Variants in MAGEB10 observed in about 807,000 individuals in gnomAD.
MAGEB10 encodes the protein MAGE family member B10, also known as melanoma-associated antigen B10.
For missense variants in MAGEB10, 190 were observed against 261.9 expected (o/e 0.73, Z 1.89); for synonymous variants, 99 against 101.0 (o/e 0.98, Z 0.12).
intron 2 of MAGEB10, 90 bp from the exon 3 acceptor site, chrX:27,821,168 C>G: frequency 2.0e-6 from 1 of 510,624 alleles, no homozygotes; most frequent in South Asian, 3.4e-5. Flanking sequence ...AGTAATGCAC[C>G]AAGAAAACTT....
chrX:27,808,972 T>C (rs1280219038), intron 1 of MAGEB10, among the ~76,000 whole-genome samples: 2 of 112,667 alleles, frequency 1.8e-5, no homozygotes, highest in Non-Finnish European at 3.8e-5. Flanking sequence ...GGTGACAGCA[T>C]GCTGGCAGCC....
intron 2 of MAGEB10, among the ~76,000 whole-genome samples, chrX:27,820,449 G>T (rs1163260898): frequency 3.6e-5 from 4 of 110,780 alleles, no homozygotes; most frequent in Non-Finnish European, 7.6e-5. Context: ...AGGGAGGGGA[G>T]GGCGTTGGAC....
intron 1 of MAGEB10, among the ~76,000 whole-genome samples, chrX:27,810,665 G>A (rs1006834155): frequency 4.5e-5 from 5 of 111,231 alleles, no homozygotes; most frequent in Non-Finnish European, 7.5e-5. Flanking sequence ...GTCTTTGGGG[G>A]TAACCAGGAG....
intron 2 of MAGEB10, among the ~76,000 whole-genome samples, chrX:27,820,386 A>C (rs1440039899): frequency 9.0e-6 from 1 of 111,166 alleles, no homozygotes; most frequent in Admixed American, 9.5e-5. Flanking sequence ...TGGATTCATG[A>C]CAGGTCCAGG....
At chrX:27,809,245 C>G (rs989780121) in intron 1 of MAGEB10, among the ~76,000 whole-genome samples, 3 of 109,948 alleles carry the variant, frequency 2.7e-5, no homozygotes, top group Non-Finnish European at 3.8e-5. Context: ...AGCTGGCAGG[C>G]CCCCCGGCCC....
chrX:27,815,523 TAGAA>T (rs1373289559), intron 1 of MAGEB10, among the ~76,000 whole-genome samples: 2 of 111,872 alleles, frequency 1.8e-5, no homozygotes, highest in African/African-American at 6.5e-5. Context: ...CAGATGAAGT[TAGAA>T]AGAGAGGAGA....
intron 1 of MAGEB10, 64 bp from the exon 2 acceptor site, chrX:27,817,490 G>T (rs1923803364): frequency 9.0e-6 from 1 of 110,506 alleles, no homozygotes; most frequent in South Asian, 3.9e-4. Context: ...CACTGTGAGG[G>T]TTTTTTTGCT....
At chrX:27,811,284 G>A (rs1923677779) in intron 1 of MAGEB10, among the ~76,000 whole-genome samples, 2 of 110,291 alleles carry the variant, frequency 1.8e-5, no homozygotes, top group Admixed American at 1.9e-4. Context: ...CAAAAGGAGG[G>A]CAATCAGACC....
intron 1 of MAGEB10, chrX:27,812,670 C>G: frequency 3.0e-6 from 1 of 334,983 alleles, no homozygotes; most frequent in Admixed American, 2.9e-5. Context: ...TTGGGAAGTG[C>G]CCAACAGCAG....
At position 27,811,950 on chromosome X, in the gene MAGEB10, A is replaced by C. The variant is rs142345012; in HGVS notation, c.-199+3914A>C. The C allele has an allele frequency of 4.2e-3, 567 of 134,240 alleles. 3 individuals are homozygous for C. Among genetic ancestry groups the C allele is most frequent in the African/African-American group, 0.017 (522 of 31,315 alleles). The allele number at this position is 134,240 out of a possible 1,213,427, so 11.1% of individuals were successfully genotyped here. ...ACGCCGCCAGGCTCGAGAAGAGCCC[A>C]AGGACGTGGAAGGTGCTCAAGTCAC... is the stretch of plus-strand genomic sequence containing the variant. On this transcript the variant is annotated intron_variant, in intron 1 of 2. Coordinates refer to ENST00000356790, the MANE Select transcript of MAGEB10 (RefSeq NM_182506.3).
chrX:27,813,956 G>A (rs992051968), intron 1 of MAGEB10, among the ~76,000 whole-genome samples: 8 of 111,806 alleles, frequency 7.2e-5, no homozygotes, highest in African/African-American at 2.6e-4. Flanking sequence ...ATCAGCTCCA[G>A]GGACCTTCTG....
At chrX:27,814,093 C>G (rs978734005) in intron 1 of MAGEB10, among the ~76,000 whole-genome samples, 3 of 111,459 alleles carry the variant, frequency 2.7e-5, no homozygotes, top group African/African-American at 9.8e-5. Flanking sequence ...AAAACTTGTA[C>G]TTTAAGTTCC....
At chrX:27,821,174 A>G in intron 2 of MAGEB10, 84 bp from the exon 3 acceptor site, 2 of 535,879 alleles carry the variant, frequency 3.7e-6, no homozygotes, top group South Asian at 6.6e-5. Context: ...GCACCAAGAA[A>G]ACTTTCAGAG....
Position 27,821,244 on chromosome X carries a change from C to T in MAGEB10, c.-49-14C>T. The T allele has an allele frequency of 2.0e-6, 2 of 1,007,159 alleles. No individual in the cohort carries two copies. The highest frequency in any genetic ancestry group is 2.7e-6 in the Non-Finnish European group (2 of 727,542). The allele number at this position is 1,007,159 out of a possible 1,213,427, so 83.0% of individuals were successfully genotyped here. On this transcript the variant is annotated splice_polypyrimidine_tract_variant and intron_variant, in intron 2 of 2. Coordinates refer to ENST00000356790, the MANE Select transcript of MAGEB10 (RefSeq NM_182506.3). ...GCTGAATGGGCACACCCCATTTCAT[C>T]TTCTCTTCTCCAGGTCACGGGATCA...
intron 1 of MAGEB10, among the ~76,000 whole-genome samples, chrX:27,809,189 G>A (rs985302868): frequency 9.0e-6 from 1 of 111,366 alleles, no homozygotes; most frequent in Non-Finnish European, 1.9e-5. Flanking sequence ...GCGGGACAGC[G>A]CAAGTTCCCG....
intron 1 of MAGEB10, among the ~76,000 whole-genome samples, chrX:27,810,639 G>C (rs762106082): frequency 2.5e-4 from 28 of 111,444 alleles, no homozygotes; most frequent in South Asian, 1.1e-3. Flanking sequence ...GCGCATTGAG[G>C]TCAGCAGTGG....
rs757330106 is a variant in MAGEB10, at chrX:27,818,325, T to A, written c.-50+623T>A. Among the ~76,000 whole-genome samples, 39 of 111,058 alleles carry A rather than the reference T, an allele frequency of 3.5e-4. 1 individual carries two copies. In the South Asian group the frequency reaches 0.012, roughly 33 times the overall value. On this transcript the variant is annotated intron_variant, in intron 2 of 2. Coordinates refer to ENST00000356790, the MANE Select transcript of MAGEB10 (RefSeq NM_182506.3). ...TATAAGAAAGAATGTATGTGGCCCT[T>A]GTATATGTGGCCCCCCTTGAGTATG...
At chrX:27,809,251 G>A (rs913889905) in intron 1 of MAGEB10, among the ~76,000 whole-genome samples, 9 of 109,396 alleles carry the variant, frequency 8.2e-5, no homozygotes, top group Non-Finnish European at 1.5e-4. Context: ...CAGGCCCCCC[G>A]GCCCAGGCAG....
chrX:27,819,578 A>T (rs747919913), intron 2 of MAGEB10, among the ~76,000 whole-genome samples: 1 of 111,674 alleles, frequency 9.0e-6, no homozygotes, highest in South Asian at 3.8e-4. Context: ...GAGACCCTGG[A>T]CAGGGATCCT....
Sources: gnomAD v4.1 joint callset for allele counts (sites outside exome capture counted in the v4.1 genomes callset) on GRCh38, gnomAD v4.1.1 for gene constraint, MANE v1.5 for transcripts, NCBI Gene and HGNC (gene_info 2026-07-23, HGNC 2026-07-21) for gene names.